RAI1: variants seen among roughly 807,000 people sequenced by gnomAD.
The protein encoded by RAI1 is retinoic acid induced 1.
Under a neutral mutation model 123.8 loss-of-function variants are expected in RAI1, and 9 were observed. That is an observed-to-expected ratio of 0.07 (90% CI 0.04 to 0.13). The LOEUF is 0.13. RAI1 is among the 10% of genes least tolerant of loss of function. The pLI, the probability that RAI1 is intolerant of heterozygous loss-of-function variation, is 1.00. For missense variants in RAI1, 2,256 were observed against 2,545.8 expected, an observed-to-expected ratio of 0.89 and a Z score of 2.45; for synonymous variants, 1,231 against 1,127.3, an observed-to-expected ratio of 1.09 and a Z score of -1.84.
intron 2 of RAI1, among the ~76,000 whole-genome samples, chr17:17,758,652 C>T (rs2030548442): frequency 6.6e-6 from 1 of 152,250 alleles, no homozygotes; most frequent in Non-Finnish European, 1.5e-5. Context: ...AAGGCCCAAT[C>T]CCTGTCGCAT....
intron 1 of RAI1, among the ~76,000 whole-genome samples, chr17:17,706,040 A>AT (rs1173446084): frequency 6.6e-6 from 1 of 151,178 alleles, no homozygotes; most frequent in South Asian, 2.1e-4. Context: ...AAAAAAAAAA[A>AT]AAAAAAAGGC....
At chr17:17,706,773 A>G (rs549805873) in intron 1 of RAI1, among the ~76,000 whole-genome samples, 1 of 152,330 alleles carries the variant, frequency 6.6e-6, no homozygotes, top group South Asian at 2.1e-4. Flanking sequence ...GCCGGGAAGC[A>G]CACATTTCTT....
At chr17:17,774,766 CCT>C (rs1383722040) in intron 2 of RAI1, among the ~76,000 whole-genome samples, 1 of 152,232 alleles carries the variant, frequency 6.6e-6, no homozygotes, top group Non-Finnish European at 1.5e-5. Flanking sequence ...TTAGTTGCGC[CCT>C]CCTCTGCCCA....
chr17:17,763,074 C>A (rs1343445554), intron 2 of RAI1, among the ~76,000 whole-genome samples: 1 of 150,610 alleles, frequency 6.6e-6, no homozygotes, highest in Non-Finnish European at 1.5e-5. Flanking sequence ...AAAGTTCTTT[C>A]TCTGAGATTC....
chr17:17,743,207 C>T (rs1916700915), intron 2 of RAI1, among the ~76,000 whole-genome samples: 1 of 152,200 alleles, frequency 6.6e-6, no homozygotes, highest in African/African-American at 2.4e-5. Context: ...CCAGGCTGGT[C>T]TCCAACTCCT....
chr17:17,708,427 CATAT>C (rs57594840), intron 1 of RAI1, among the ~76,000 whole-genome samples: 9 of 151,520 alleles, frequency 5.9e-5, no homozygotes, highest in South Asian at 4.2e-4. Context: ...CACACACACA[CATAT>C]ATATATATGT....
In RAI1 at chr17:17,792,854, C is replaced by T. The variant is rs980649504; in HGVS notation, c.-16-79C>T. On this transcript the variant is annotated intron_variant, in intron 2 of 5. Coordinates refer to ENST00000353383, the MANE Select transcript of RAI1 (RefSeq NM_030665.4). ...GCAAAAGGAAGTGGCCCGTCTGAATCGCTCATCCTCTGCCCCCTCCCTGCC... is the reference window on the plus strand; with the variant it reads ...GCAAAAGGAAGTGGCCCGTCTGAATTGCTCATCCTCTGCCCCCTCCCTGCC... 3.0e-5 allele frequency: 35 copies of T among 1,152,668 alleles called. No individual in the cohort carries two copies. In the African/African-American group the frequency reaches 4.5e-4, roughly 15 times the overall value. The allele number at this position is 1,152,668 out of a possible 1,614,324, so 71.4% of individuals were successfully genotyped here.
At position 17,798,056 on chromosome 17, in the gene RAI1, G is replaced by A; in HGVS notation, c.5108G>A (p.Cys1703Tyr). 6.2e-7 allele frequency: 1 copy of A among 1,614,092 alleles called. No individual in the cohort carries two copies. The highest frequency in any genetic ancestry group is 8.5e-7 in the Non-Finnish European group (1 of 1,180,028). ...PANFKDLGDL[C>Y]GPYYPEHCLP... ...AACTTCAAGGACCTTGGGGACCTCT[G>A]TGGGCCCTACTACCCTGAACACTGC... The change falls in exon 3 of 6, where the codon TGT (cysteine) becomes TAT (tyrosine). Residue 1703 changes from cysteine (C) to tyrosine (Y), a missense_variant. Cys to Tyr is a radical substitution (Grantham distance 194). Transcript: ENST00000353383.
Position 17,800,439 on chromosome 17 carries a change from G to A in RAI1, c.5565+1926G>A, listed in dbSNP as rs1401396344. 2.0e-5 allele frequency among the ~76,000 whole-genome samples: 3 copies of A among 152,096 alleles called. No individual in the cohort carries two copies. The highest frequency in any genetic ancestry group is 1.9e-4 in the East Asian group (1 of 5,178). ...CGTCCCACCAGGCTGAGATCAGGTCGTCTCCACATCCCCTGCAGCCAGCAC... is the reference window on the plus strand; with the variant it reads ...CGTCCCACCAGGCTGAGATCAGGTCATCTCCACATCCCCTGCAGCCAGCAC... On this transcript the variant is annotated intron_variant, in intron 3 of 5. Transcript: ENST00000353383. The surrounding 1 kb of genome is among the most constrained non-coding windows in gnomAD (Gnocchi z 4.7).
rs1403492343 is a variant in RAI1 at position 17,796,839 on chromosome 17, C to G, written c.3891C>G (p.Thr1297=). 1 of 1,611,990 alleles carries G rather than the reference C, an allele frequency of 6.2e-7. No individual in the cohort carries two copies. The highest frequency in any genetic ancestry group is 2.2e-5 in the East Asian group (1 of 44,866). The change falls in exon 3 of 6, where the codon ACC becomes ACG. Residue 1297 remains threonine (T), a synonymous_variant. Coordinates refer to ENST00000353383, the MANE Select transcript of RAI1 (RefSeq NM_030665.4). This position sits in a 1 kb window ranked among gnomAD's most constrained non-coding sequence, Gnocchi z 5.8. The part of the protein sequence containing the change: ...EPATKLPPPE[T]PDACLKLASR... ...CCACAAAGCTCCCACCCCCGGAGAC[C>G]CCCGATGCCTGCCTCAAGCTCGCCT...
At chr17:17,757,692 G>A (rs1163163960) in intron 2 of RAI1, among the ~76,000 whole-genome samples, 2 of 152,130 alleles carry the variant, frequency 1.3e-5, no homozygotes, top group African/African-American at 4.8e-5. Flanking sequence ...CCTCTGTAGC[G>A]CCTGTAATCA....
chr17:17,725,236 C>T (rs1916045280), intron 2 of RAI1, among the ~76,000 whole-genome samples: 1 of 152,146 alleles, frequency 6.6e-6, no homozygotes, highest in Non-Finnish European at 1.5e-5. Context: ...ACTTCAGGCA[C>T]GTCGAGGGCC....
Position 17,797,148 on chromosome 17 carries a change from C to G in RAI1, c.4200C>G (p.Cys1400Trp). The G allele has an allele frequency of 4.3e-6, 7 of 1,614,034 alleles. No homozygotes were observed. The highest frequency in any genetic ancestry group is 5.1e-6 in the Non-Finnish European group (6 of 1,180,040). The part of the protein sequence containing the change: ...KLPTSGADPL[C>W]RNPTNRSLKG... ...CAACTTCTGGGGCTGATCCGTTATG[C>G]AGAAATCCAACCAACAGATCCTTAA... is the stretch of plus-strand genomic sequence containing the variant. Residue 1400 changes from cysteine (C) to tryptophan (W), a missense_variant, in exon 3 of 6, where the codon TGC becomes TGG. By Grantham distance (215) the Cys-to-Trp change is radical. Around this residue, in one of 7 missense-constraint regions of RAI1, gnomAD observed 410 missense variants for 374.6 expected, o/e 1.09. Coordinates refer to ENST00000353383, the MANE Select transcript of RAI1 (RefSeq NM_030665.4).
At chr17:17,743,561 T>C (rs1374814802) in intron 2 of RAI1, among the ~76,000 whole-genome samples, 1 of 152,132 alleles carries the variant, frequency 6.6e-6, no homozygotes, top group Admixed American at 6.6e-5. Context: ...TTCAGACTGG[T>C]GTATGCCACT....
chr17:17,751,577 C>T (rs1354191700), intron 2 of RAI1, among the ~76,000 whole-genome samples: 1 of 152,238 alleles, frequency 6.6e-6, no homozygotes, highest in Non-Finnish European at 1.5e-5. Context: ...TGCTGGCTTG[C>T]TCTGCTGTGT....
At chr17:17,717,979 GAC>G (rs1275646622) in intron 1 of RAI1, among the ~76,000 whole-genome samples, 1 of 152,202 alleles carries the variant, frequency 6.6e-6, no homozygotes, top group Non-Finnish European at 1.5e-5. Context: ...AGGATGGACA[GAC>G]ACACAGATGA....
chr17:17,702,403 C>T (rs367946811), intron 1 of RAI1, among the ~76,000 whole-genome samples: 19 of 152,326 alleles, frequency 1.2e-4, no homozygotes, highest in African/African-American at 3.4e-4. Flanking sequence ...GGCCAAGCCT[C>T]GGATGATGAT....
rs2031693948 is a variant in RAI1, at chr17:17,783,485, G to GGCA, written c.-16-9440_-16-9438dup. Among the ~76,000 whole-genome samples the GGCA allele has an allele frequency of 2.0e-5, 3 of 152,018 alleles. No individual in the cohort carries two copies. The South Asian group carries it at 6.2e-4, about 32-fold the overall frequency. On this transcript the variant is annotated intron_variant, in intron 2 of 5. Coordinates refer to ENST00000353383, the MANE Select transcript of RAI1 (RefSeq NM_030665.4). The stretch of plus-strand genomic sequence containing the variant: ...TGAGGGAGTCCTGCGGATTTTCTCC[G>GGCA]GCAGCAGCAGGCGCTCTGCCTTTGT...
At chr17:17,697,099 C>T (rs928433989) in intron 1 of RAI1, among the ~76,000 whole-genome samples, 6 of 152,136 alleles carry the variant, frequency 3.9e-5, no homozygotes, top group African/African-American at 1.4e-4. Flanking sequence ...CCTGTCTCTT[C>T]TCCCCTATTC....
Sources: allele counts gnomAD v4.1 joint callset (sites outside exome capture counted in the v4.1 genomes callset), GRCh38; gene constraint gnomAD v4.1.1; regional missense constraint gnomAD v4.1.1; non-coding constraint Gnocchi (gnomAD v3.1); transcripts MANE v1.5; gene names NCBI Gene and HGNC (gene_info 2026-07-23, HGNC 2026-07-21).